Variants in SRSF4 observed in about 807,000 individuals in gnomAD.
SRSF4 encodes serine and arginine rich splicing factor 4, also known as serine/arginine-rich splicing factor 4.
A neutral mutation model predicts 48.8 loss-of-function variants in SRSF4; 12 were observed. The observed-to-expected ratio is 0.25, with a 90% CI of 0.16 to 0.40. The LOEUF is 0.40. Among genes scored for constraint, SRSF4 ranks in the 10% least tolerant of loss-of-function variants. The pLI is 1.00. For synonymous variants in SRSF4, 248 were observed against 232.5 expected (o/e 1.07, Z -0.61); for missense variants, 466 against 667.1 (o/e 0.70, Z 3.32).
At chr1:29,150,035 A>G in intron 5 of SRSF4, 68 bp downstream of exon 5, 16 of 1,342,422 alleles carry the variant, frequency 1.2e-5, no homozygotes, top group Admixed American at 3.7e-5. Flanking sequence ...AAAAAAAAAG[A>G]AAAAAAAGTG....
Position 29,154,398 on chromosome 1 carries a change from T to C in SRSF4, c.578+298A>G, listed in dbSNP as rs554292881. 20 of 316,012 alleles carry C rather than the reference T, an allele frequency of 6.3e-5. No homozygotes were observed. In the South Asian group the frequency reaches 7.8e-4, roughly 12 times the overall value. The allele number at this position is 316,012 out of a possible 1,614,324, so 19.6% of individuals were successfully genotyped here. A position where few individuals can be genotyped will look rare whatever the true frequency, so the allele number is the denominator to read the frequency against. On this transcript the variant is annotated intron_variant, in intron 4 of 5. Transcript: ENST00000373795. ...TTTTAGTACAGATGGGGTTTCACCA[T>C]ATTGGTCAGGCTGGTCTTGAACTCC...
At chr1:29,172,870 A>C (rs1672765270) in intron 1 of SRSF4, 1 of 152,202 alleles carries the variant, frequency 6.6e-6, no homozygotes, top group Non-Finnish European at 1.5e-5. Flanking sequence ...GACCAAAAAA[A>C]AGGTAGACAA....
chr1:29,162,221 C>T (rs1672609150), intron 1 of SRSF4, among the ~76,000 whole-genome samples: 1 of 152,184 alleles, frequency 6.6e-6, no homozygotes, highest in South Asian at 2.1e-4. Flanking sequence ...TTTCACGCTT[C>T]CATAGGCTAG....
chr1:29,161,216 C>G (rs1672589254), intron 1 of SRSF4, among the ~76,000 whole-genome samples: 1 of 152,118 alleles, frequency 6.6e-6, no homozygotes, highest in Non-Finnish European at 1.5e-5. Context: ...CAAAAGAACC[C>G]CCACCATCCT....
chr1:29,175,693 T>C (rs1672830378), intron 1 of SRSF4, among the ~76,000 whole-genome samples: 1 of 2,508 alleles, frequency 4.0e-4, no homozygotes, highest in Non-Finnish European at 3.0e-3. Context: ...AGACGCTGTC[T>C]CAAAAAAAAA....
intron 1 of SRSF4, among the ~76,000 whole-genome samples, chr1:29,164,252 A>G (rs771700196): frequency 2.6e-5 from 4 of 152,240 alleles, no homozygotes; most frequent in Non-Finnish European, 5.9e-5. Context: ...ATCATCTAAA[A>G]TACCTTTTAT....
In SRSF4 at chr1:29,148,699, G is replaced by A. The variant is rs200015733; in HGVS notation, c.1196C>T (p.Thr399Ile). ...TGGAGATCTGGACTGGGAGCGGTCA[G>A]TGTCTTCCTTCTTCTTCTTCTTGCT... Reference protein sequence around the residue: ...GSSKKKKKEDTDRSQSRSPSR... With the variant: ...GSSKKKKKEDIDRSQSRSPSR... Residue 399 changes from threonine (T) to isoleucine (I), a missense_variant, in exon 6 of 6, where the codon ACT (threonine) becomes ATT (isoleucine). By Grantham distance (89) the Thr-to-Ile change is moderately conservative. This residue lies in a region of SRSF4 where 402 missense variants were observed against 437.0 expected (regional missense o/e 0.92). Transcript: ENST00000373795. 5.6e-6 allele frequency: 9 copies of A among 1,613,938 alleles called. No individual in the cohort carries two copies. Among genetic ancestry groups the A allele is most frequent in the Admixed American group, 1.7e-5 (1 of 59,994 alleles).
At chr1:29,174,603 T>A in intron 1 of SRSF4, among the ~76,000 whole-genome samples, 1 of 149,820 alleles carries the variant, frequency 6.7e-6, no homozygotes, top group South Asian at 2.1e-4. Context: ...ACTTATAGTA[T>A]GATTCCAAGT....
rs140062395 is a variant in SRSF4, at chr1:29,159,031, G to A, written c.363+343C>T. Among the ~76,000 whole-genome samples the A allele has an allele frequency of 6.4e-3, 979 of 151,852 alleles. 5 individuals are homozygous for A. The highest frequency in any genetic ancestry group is 0.022 in the African/African-American group (918 of 41,382). ...CTGAGATGGAGAATTGCTTGAACCC[G>A]GGAGGCGGAGGCTGCAGTGAGCAGA... On this transcript the variant is annotated intron_variant, in intron 3 of 5. Coordinates refer to ENST00000373795, the MANE Select transcript of SRSF4 (RefSeq NM_005626.5).
intron 4 of SRSF4, among the ~76,000 whole-genome samples, chr1:29,152,735 A>G (rs892102039): frequency 2.0e-5 from 3 of 152,026 alleles, no homozygotes; most frequent in African/African-American, 7.2e-5. Context: ...TCTGCCCAAC[A>G]TGGTGAAACT....
At chr1:29,149,655 T>C (rs1672372479) in intron 5 of SRSF4, among the ~76,000 whole-genome samples, 1 of 138,920 alleles carries the variant, frequency 7.2e-6, no homozygotes, top group Non-Finnish European at 1.5e-5. Context: ...CACTCCAGAT[T>C]GGGCGACAGA....
chr1:29,164,900 C>T (rs1193693788), intron 1 of SRSF4, among the ~76,000 whole-genome samples: 4 of 152,088 alleles, frequency 2.6e-5, no homozygotes, highest in East Asian at 1.9e-4. Context: ...ATTCTGAATC[C>T]GAAAATCCAA....
intron 1 of SRSF4, among the ~76,000 whole-genome samples, chr1:29,178,124 C>T (rs1672896870): frequency 6.6e-6 from 1 of 151,284 alleles, no homozygotes; most frequent in Admixed American, 6.6e-5. Context: ...GGTCTCAAAC[C>T]CCTGACTTCA....
At chr1:29,165,927 T>C (rs1672664430) in intron 1 of SRSF4, 1 of 152,288 alleles carries the variant, frequency 6.6e-6, no homozygotes, top group African/African-American at 2.4e-5. Context: ...TTTCTTTGTA[T>C]GTGGACATGA....
At chr1:29,157,993 T>C (rs1484638165) in intron 3 of SRSF4, among the ~76,000 whole-genome samples, 1 of 151,988 alleles carries the variant, frequency 6.6e-6, no homozygotes, top group Non-Finnish European at 1.5e-5. Flanking sequence ...GTCAACATGG[T>C]GAAACCCCGC....
rs397979781 is a variant in SRSF4, at chr1:29,177,893, ATTT to A, written c.107+3750_107+3752del. On this transcript the variant is annotated intron_variant, in intron 1 of 5. Transcript: ENST00000373795. ...TTTGGTCATCTTCCTATTACACAAG[ATTT>A]TTTTTTTTTTTTTTTTTTTTTGAGA... Among the ~76,000 whole-genome samples, 621 of 93,606 alleles carry A rather than the reference ATTT, an allele frequency of 6.6e-3. 3 individuals carry two copies. The highest frequency in any genetic ancestry group is 0.025 in the African/African-American group (571 of 22,584). The allele number at this position is 93,606 out of a possible 152,430, so 61.4% of individuals were successfully genotyped here. A position where few individuals can be genotyped will look rare whatever the true frequency, so the allele number is the denominator to read the frequency against.
chr1:29,168,313 G>A (rs1159406038), intron 1 of SRSF4, among the ~76,000 whole-genome samples: 2 of 151,790 alleles, frequency 1.3e-5, no homozygotes, highest in South Asian at 2.1e-4. Flanking sequence ...TTACAGGCAT[G>A]AGCCACCATG....
At chr1:29,175,882 T>C (rs974873402) in intron 1 of SRSF4, among the ~76,000 whole-genome samples, 3 of 152,124 alleles carry the variant, frequency 2.0e-5, no homozygotes, top group African/African-American at 4.8e-5. Context: ...GTCTTCCTTT[T>C]CTTAACATAG....
chr1:29,175,184 G>A (rs1017520114), intron 1 of SRSF4, among the ~76,000 whole-genome samples: 9 of 151,766 alleles, frequency 5.9e-5, no homozygotes, highest in Non-Finnish European at 2.9e-5. Context: ...CACTTTGTGA[G>A]GTAGATCACT....
Sources: allele counts gnomAD v4.1 joint callset (sites outside exome capture counted in the v4.1 genomes callset), GRCh38; gene constraint gnomAD v4.1.1; regional missense constraint gnomAD v4.1.1; transcripts MANE v1.5; gene names NCBI Gene and HGNC (gene_info 2026-07-23, HGNC 2026-07-21).